The following ATP11C variants were observed in gnomAD, a reference collection of about 807,000 sequenced individuals.
ATP11C encodes phospholipid-transporting ATPase IG.
Under a neutral mutation model 97.4 loss-of-function variants are expected in ATP11C, and 36 were observed. That is an observed-to-expected ratio of 0.37 (90% confidence interval 0.28 to 0.49). The LOEUF is 0.49. Ranked by LOEUF, ATP11C falls within the 20% of genes least tolerant of loss-of-function variation. ATP11C has a pLI of 0.98. For missense variants in ATP11C, 730 were observed against 824.6 expected, an observed-to-expected ratio of 0.89 and a Z score of 1.40; for synonymous variants, 275 against 290.9, an observed-to-expected ratio of 0.95 and a Z score of 0.56.
chrX:139,858,314 C>G (rs1371548598), intron 1 of ATP11C, among the ~76,000 whole-genome samples: 1 of 112,392 alleles, frequency 8.9e-6, no homozygotes, highest in African/African-American at 3.2e-5. Context: ...TCCTTTCCTT[C>G]CCTAACACTA....
chrX:139,755,682 A>G (rs947525395), intron 23 of ATP11C, among the ~76,000 whole-genome samples: 15 of 111,703 alleles, frequency 1.3e-4, no homozygotes, highest in African/African-American at 4.6e-4. Flanking sequence ...CATATCTATG[A>G]CCATGTGATC....
chrX:139,897,505 T>C (rs1036889082), intron 1 of ATP11C, among the ~76,000 whole-genome samples: 6 of 108,062 alleles, frequency 5.6e-5, no homozygotes, highest in Non-Finnish European at 1.1e-4. Flanking sequence ...ACCCTGTCTC[T>C]ACTCAAATTA....
chrX:139,754,650 C>G (rs1212713255), intron 23 of ATP11C, among the ~76,000 whole-genome samples: 3 of 112,216 alleles, frequency 2.7e-5, no homozygotes, highest in African/African-American at 9.7e-5. Flanking sequence ...GCTAATCCAC[C>G]ATGATCAGGC....
intron 20 of ATP11C, among the ~76,000 whole-genome samples, chrX:139,766,433 T>C (rs1400390061): frequency 8.9e-6 from 1 of 112,041 alleles, no homozygotes; most frequent in East Asian, 2.8e-4. Context: ...AGGGGACAGA[T>C]ACTTTTGAAT....
chrX:139,762,294 C>T (rs750920541), intron 21 of ATP11C, among the ~76,000 whole-genome samples, 188 bp from the exon 22 acceptor site: 3 of 112,057 alleles, frequency 2.7e-5, no homozygotes, highest in East Asian at 2.8e-4. Flanking sequence ...CTAAGTTTAA[C>T]TGGTAACTCC....
At chrX:139,759,935 A>G (rs2082004943) in intron 22 of ATP11C, among the ~76,000 whole-genome samples, 1 of 112,087 alleles carries the variant, frequency 8.9e-6, no homozygotes, top group African/African-American at 3.2e-5. Flanking sequence ...AGCCTCTGAA[A>G]TAGGTTCAGA....
At chrX:139,871,750 G>T (rs113045131) in intron 1 of ATP11C, among the ~76,000 whole-genome samples, 1,186 of 109,507 alleles carry the variant, frequency 0.011, 17 homozygotes, top group African/African-American at 0.037. Flanking sequence ...GGCTGGTCTC[G>T]AACTACAGGA....
At chrX:139,795,684 G>A (rs1391126030) in intron 12 of ATP11C, among the ~76,000 whole-genome samples, 1 of 111,973 alleles carries the variant, frequency 8.9e-6, no homozygotes, top group African/African-American at 3.2e-5. Flanking sequence ...GTGTTGCACT[G>A]GAAAATAAAT....
chrX:139,798,879 C>T, intron 8 of ATP11C, 136 bp from the exon 9 acceptor site: 2 of 452,297 alleles, frequency 4.4e-6, no homozygotes, highest in African/African-American at 2.4e-5. Context: ...TATGCTTACT[C>T]CCCAGGACAA....
At chrX:139,732,433 A>T in intron 28 of ATP11C, 1 of 362,509 alleles carries the variant, frequency 2.8e-6, no homozygotes. Context: ...AAAGGAAATC[A>T]CCTTATTCAC....
At chrX:139,849,620 G>A (rs974678805) in intron 1 of ATP11C, among the ~76,000 whole-genome samples, 2 of 111,830 alleles carry the variant, frequency 1.8e-5, no homozygotes, top group Non-Finnish European at 3.8e-5. Flanking sequence ...CTCTCTGTAG[G>A]CTGGTCCATA....
Position 139,932,146 on chromosome X carries a change from C to G in ATP11C, c.-104G>C. The G allele has an allele frequency of 1.2e-6, 1 of 815,257 alleles. No homozygotes were observed. The highest frequency in any genetic ancestry group is 1.5e-6 in the Non-Finnish European group (1 of 646,564). 67.2% of individuals were successfully genotyped at this position (815,257 alleles called of 1,213,427 possible). A position where few individuals can be genotyped will look rare whatever the true frequency, so the allele number is the denominator to read the frequency against. On this transcript the variant is annotated 5_prime_UTR_variant, in exon 1 of 30. Coordinates refer to ENST00000682941, the MANE Select transcript of ATP11C (RefSeq NM_001353812.2). The stretch of plus-strand genomic sequence containing the variant: ...CGTGGGCCGGCGGCGCCAAGCGGAG[C>G]AGCGAGGCGGGCGGCCGGGCCACCC...
At chrX:139,928,136 A>G (rs2085381268) in intron 1 of ATP11C, among the ~76,000 whole-genome samples, 1 of 111,302 alleles carries the variant, frequency 9.0e-6, no homozygotes. Flanking sequence ...AATTCTCTCC[A>G]TGTTGAGAAA....
chrX:139,931,881 T>G, intron 1 of ATP11C, 135 bp downstream of exon 1: 3 of 792,009 alleles, frequency 3.8e-6, no homozygotes, highest in Non-Finnish European at 5.0e-6. Flanking sequence ...CGTGTTTCGG[T>G]GAAAAGGAAG....
chrX:139,902,041 AG>A (rs1360046705), intron 1 of ATP11C, among the ~76,000 whole-genome samples: 1 of 111,644 alleles, frequency 9.0e-6, no homozygotes, highest in African/African-American at 3.3e-5. Context: ...GGGACTGCTT[AG>A]GGCAAACCTG....
intron 8 of ATP11C, 94 bp from the exon 9 acceptor site, chrX:139,798,837 G>A: frequency 3.3e-6 from 2 of 615,242 alleles, no homozygotes; most frequent in East Asian, 3.3e-5. Context: ...TATCTCCAAG[G>A]GGTTCAGAAT....
intron 1 of ATP11C, among the ~76,000 whole-genome samples, chrX:139,853,467 A>G (rs1435877767): frequency 9.0e-6 from 1 of 111,186 alleles, no homozygotes; most frequent in African/African-American, 3.3e-5. Flanking sequence ...ATTGAGAGAA[A>G]CAAAGTCAAA....
Position 139,774,419 on chromosome X carries a change from A to C in ATP11C, c.2216+271T>G, listed in dbSNP as rs767831474. Among the ~76,000 whole-genome samples, 5 of 112,425 alleles carry C rather than the reference A, an allele frequency of 4.4e-5. No individual in the cohort carries two copies. In the South Asian group the frequency reaches 1.9e-3, roughly 42 times the overall value. ...GACCAGGCCAGAATATCAACATTGA[A>C]TACCTAGACTCTAAACATTTAAAAA... On this transcript the variant is annotated intron_variant, in intron 19 of 29. Coordinates refer to ENST00000682941, the MANE Select transcript of ATP11C (RefSeq NM_001353812.2).
At chrX:139,869,795 AAATAATAAT>A (rs35904908) in intron 1 of ATP11C, among the ~76,000 whole-genome samples, 2 of 92,333 alleles carry the variant, frequency 2.2e-5, no homozygotes, top group East Asian at 3.2e-4. Context: ...CTCTGTCTCA[AAATAATAAT>A]AATAATAATA....
Sources: allele counts gnomAD v4.1 joint callset (sites outside exome capture counted in the v4.1 genomes callset), GRCh38; gene constraint gnomAD v4.1.1; transcripts MANE v1.5; gene names NCBI Gene and HGNC (gene_info 2026-07-23, HGNC 2026-07-21).